Variants in SAMD9 observed in about 807,000 individuals in gnomAD.
The protein encoded by SAMD9 is sterile alpha motif domain-containing protein 9.
In SAMD9, 3 loss-of-function variants were observed where a neutral mutation model predicts 1.5. That is an observed-to-expected ratio of 2.05 (90% CI 0.93 to 5.29). SAMD9 has a LOEUF of 5.29. Ranked by LOEUF, SAMD9 falls within the 30% of genes most tolerant of loss-of-function variation. SAMD9 has a pLI of 0.02. For synonymous variants in SAMD9, 635 were observed against 631.9 expected (o/e 1.00, Z -0.07); for missense variants, 1,597 against 1,820.8 (o/e 0.88, Z 2.24).
intron 1 of SAMD9, among the ~76,000 whole-genome samples, chr7:93,116,686 T>C (rs1791837595): frequency 6.6e-6 from 1 of 152,158 alleles, no homozygotes; most frequent in Non-Finnish European, 1.5e-5. Flanking sequence ...ATCACACATA[T>C]ATTAAAACCC....
rs769556020 is a variant in SAMD9 at position 93,103,752 on chromosome 7, G to C, written c.2346C>G (p.Thr782=). ...EIGEQVTSLI[T]YGAMNRQEYV... ...ATTCCTGACGGTTCATTGCCCCATA[G>C]GTGATTAAACTGGTTACCTGTTCTC... is the stretch of plus-strand genomic sequence containing the variant. Residue 782 remains threonine (T), a synonymous_variant, in exon 3 of 3, where the codon ACC becomes ACG. Coordinates refer to ENST00000379958, the MANE Select transcript of SAMD9 (RefSeq NM_017654.4). 6.2e-7 allele frequency: 1 copy of C among 1,613,938 alleles called. No individual in the cohort carries two copies. The highest frequency in any genetic ancestry group is 8.5e-7 in the Non-Finnish European group (1 of 1,179,866).
chr7:93,113,219 G>A (rs1163530101), intron 2 of SAMD9, among the ~76,000 whole-genome samples: 3 of 152,208 alleles, frequency 2.0e-5, no homozygotes, highest in Admixed American at 6.5e-5. Flanking sequence ...TTCCCTATTT[G>A]ATAAATGGTG....
Position 93,111,220 on chromosome 7 carries a change from G to A in SAMD9, c.-9+3575C>T, listed in dbSNP as rs1253514499. 7.2e-5 allele frequency among the ~76,000 whole-genome samples: 11 copies of A among 152,096 alleles called. No homozygotes were observed. The South Asian group carries it at 8.3e-4, about 11-fold the overall frequency. The stretch of plus-strand genomic sequence containing the variant: ...CCTGAATGACTACTGGGTACATAAC[G>A]AAATGAAGGCAGAAATAAAGATGTT... On this transcript the variant is annotated intron_variant, in intron 2 of 2. Transcript: ENST00000379958.
intron 2 of SAMD9, among the ~76,000 whole-genome samples, chr7:93,108,540 C>A (rs1415182640): frequency 1.3e-5 from 2 of 152,126 alleles, no homozygotes; most frequent in Non-Finnish European, 2.9e-5. Context: ...TCGGAGAATT[C>A]CCTTTCCTAG....
chr7:93,114,644 A>C (rs541245917), intron 2 of SAMD9, among the ~76,000 whole-genome samples, 151 bp downstream of exon 2: 1 of 152,310 alleles, frequency 6.6e-6, no homozygotes, highest in South Asian at 2.1e-4. Context: ...AAAGTAATAA[A>C]ATTGACACAT....
At chr7:93,106,601 G>A (rs1432461293) in intron 2 of SAMD9, among the ~76,000 whole-genome samples, 5 of 152,200 alleles carry the variant, frequency 3.3e-5, no homozygotes, top group Non-Finnish European at 5.9e-5. Flanking sequence ...TAGTTAGAAA[G>A]GGATATAAGA....
rs767093575 is a variant in SAMD9 at position 93,101,684 on chromosome 7, G to A, written c.4414C>T (p.His1472Tyr). The A allele has an allele frequency of 1.2e-6, 2 of 1,613,330 alleles. No individual in the cohort carries two copies. The highest frequency in any genetic ancestry group is 1.7e-5 in the Admixed American group (1 of 59,972). Residue 1472 changes from histidine to tyrosine, a missense_variant, in exon 3 of 3, where the codon CAT (histidine) becomes TAT (tyrosine). Around this residue, in one of 6 missense-constraint regions of SAMD9, gnomAD observed 682 missense variants for 810.0 expected, o/e 0.84. Transcript: ENST00000379958. ...NSFKGQYKHM[H>Y]RTKQPIAYFF... ...TATGCAATTGGTTGCTTTGTACGAT[G>A]CATATGTTTATATTGCCCCTTGAAA...
Position 93,104,079 on chromosome 7 carries a change from A to G in SAMD9, c.2019T>C (p.Leu673=), listed in dbSNP as rs1584253595. 3.1e-6 allele frequency: 5 copies of G among 1,613,846 alleles called. No individual in the cohort carries two copies. In the Admixed American group the frequency reaches 6.7e-5, roughly 22 times the overall value. ...CTTCCTCTTTTGATGCCTTGAATTC[A>G]AGGAATTTATTTTTGTCCTTCTCTA... is the stretch of plus-strand genomic sequence containing the variant. ...TLLEKDKNKF[L]EFKASKEEDF... Residue 673 remains leucine, a synonymous_variant, in exon 3 of 3, where the codon CTT becomes CTC. Transcript: ENST00000379958.
rs771506632 is a variant in SAMD9, at chr7:93,103,388, T to C, written c.2710A>G (p.Ile904Val). Residue 904 changes from isoleucine (I) to valine (V), a missense_variant, in exon 3 of 3, where the codon ATC (isoleucine) becomes GTC (valine). Ile to Val is a conservative substitution (Grantham distance 29). This residue lies in a region of SAMD9 where 682 missense variants were observed against 810.0 expected (regional missense o/e 0.84). Transcript: ENST00000379958. ...GTGAAAATATTCTGCCCTTTCAGGATATTCCGGACCACATTTTCTATGTAT... is the reference window on the plus strand; with the variant it reads ...GTGAAAATATTCTGCCCTTTCAGGACATTCCGGACCACATTTTCTATGTAT... ...KEYIENVVRNILKGQNIFTKE... is the reference protein window; with the variant it reads ...KEYIENVVRNVLKGQNIFTKE... 1 of 1,613,560 alleles carries C rather than the reference T, an allele frequency of 6.2e-7. No individual in the cohort carries two copies. Among genetic ancestry groups the C allele is most frequent in the East Asian group, 2.2e-5 (1 of 44,870 alleles).
intron 2 of SAMD9, among the ~76,000 whole-genome samples, chr7:93,112,428 T>A (rs1030093547): frequency 1.3e-5 from 2 of 152,204 alleles, no homozygotes; most frequent in African/African-American, 4.8e-5. Context: ...CCACTCCTAT[T>A]CAACATAGTG....
At chr7:93,106,711 G>A (rs1048912418) in intron 2 of SAMD9, among the ~76,000 whole-genome samples, 1 of 152,158 alleles carries the variant, frequency 6.6e-6, no homozygotes, top group African/African-American at 2.4e-5. Context: ...AATCATTTGT[G>A]TTCTCCATTG....
Position 93,107,500 on chromosome 7 carries a change from TAGTC to T in SAMD9, c.-8-1399_-8-1396del, listed in dbSNP as rs201813631. Among the ~76,000 whole-genome samples, 932 of 152,310 alleles carry T rather than the reference TAGTC, an allele frequency of 6.1e-3. 12 individuals are homozygous for T. The highest frequency in any genetic ancestry group is 0.021 in the African/African-American group (882 of 41,562). On this transcript the variant is annotated intron_variant, in intron 2 of 2. Coordinates refer to ENST00000379958, the MANE Select transcript of SAMD9 (RefSeq NM_017654.4). ...AGAAAAAATGAAATTCAAATAATAA[TAGTC>T]AGCTTTAAGTATGATCCAAAATTGT...
In SAMD9 at chr7:93,101,321, C is replaced by G; in HGVS notation, c.*7G>C. 1 of 1,607,018 alleles carries G rather than the reference C, an allele frequency of 6.2e-7. No individual in the cohort carries two copies. The highest frequency in any genetic ancestry group is 1.1e-5 in the South Asian group (1 of 91,016). On this transcript the variant is annotated 3_prime_UTR_variant, in exon 3 of 3. Transcript: ENST00000379958. Reference sequence around the variant, plus strand: ...GATCAAATTCTTGGAGGAAGAATATCAGGCTCTTAAACAATTTCAATGTCA... The same window carrying G: ...GATCAAATTCTTGGAGGAAGAATATGAGGCTCTTAAACAATTTCAATGTCA...
Position 93,105,096 on chromosome 7 carries a change from T to A in SAMD9, c.1002A>T (p.Glu334Asp). 2 of 1,613,946 alleles carry A rather than the reference T, an allele frequency of 1.2e-6. No homozygotes were observed. Among genetic ancestry groups the A allele is most frequent in the South Asian group, 2.2e-5 (2 of 91,056 alleles). ...CAAATAGTGAGAATTTTTTACTTTG[T>A]TCCCATATTTTGTTGTTGTAATTTT... The part of the protein sequence containing the change: ...KMQNYNNKIW[E>D]QSKKFSLFVR... The change falls in exon 3 of 3, where the codon GAA becomes GAT. Residue 334 changes from glutamate to aspartate, a missense_variant. Coordinates refer to ENST00000379958, the MANE Select transcript of SAMD9 (RefSeq NM_017654.4).
chr7:93,101,820 A>G lies in SAMD9; in HGVS notation c.4278T>C (p.Tyr1426=), dbSNP rs1044218923. Residue 1426 remains tyrosine (Y), a synonymous_variant, in exon 3 of 3, where the codon TAT becomes TAC. Transcript: ENST00000379958. ...CTAGAAAATACGGTTCTGAAAACTG[A>G]TAAGTCAGTCCTATTGGTTGCAAGA... ...REVLQPIGLT[Y]QFSEPYFLAS... is the part of the protein sequence containing the mutation. 9.3e-6 allele frequency: 15 copies of G among 1,613,888 alleles called. No homozygotes were observed. In the East Asian group the frequency reaches 1.3e-4, roughly 14 times the overall value.
chr7:93,107,291 T>TG (rs1438426312), intron 2 of SAMD9, among the ~76,000 whole-genome samples: 2 of 152,216 alleles, frequency 1.3e-5, no homozygotes, highest in East Asian at 3.8e-4. Context: ...CCATGTCATC[T>TG]GGAATAGCTT....
chr7:93,101,396 C>T lies in SAMD9; in HGVS notation c.4702G>A (p.Glu1568Lys). Residue 1568 changes from glutamate (E) to lysine (K), a missense_variant, in exon 3 of 3, where the codon GAG (glutamate) becomes AAG (lysine). By Grantham distance (56) the Glu-to-Lys change is moderately conservative. Around this residue, in one of 6 missense-constraint regions of SAMD9, gnomAD observed 682 missense variants for 810.0 expected, o/e 0.84. Coordinates refer to ENST00000379958, the MANE Select transcript of SAMD9 (RefSeq NM_017654.4). ...AATCCCAGGTAAAAAGACACCTTCT[C>T]TATGCTTCTGCCACTTCTAAGTTGA... ...LGQLRSGRSI[E>K]KVSFYLGFSI... The T allele has an allele frequency of 1.2e-6, 2 of 1,613,756 alleles. No individual in the cohort carries two copies. The highest frequency in any genetic ancestry group is 8.5e-7 in the Non-Finnish European group (1 of 1,179,750).
chr7:93,110,351 A>T (rs1021906640), intron 2 of SAMD9, among the ~76,000 whole-genome samples: 1 of 152,234 alleles, frequency 6.6e-6, no homozygotes, highest in Non-Finnish European at 1.5e-5. Flanking sequence ...CACTGCAAAA[A>T]CATGCCAAAT....
Position 93,105,561 on chromosome 7 carries a change from A to G in SAMD9, c.537T>C (p.Phe179=). ...CTGGTCCTGTTTCAGGCTGTAGACTAAAATCCAACTTGTAACGATATGGAT... is the reference window on the plus strand; with the variant it reads ...CTGGTCCTGTTTCAGGCTGTAGACTGAAATCCAACTTGTAACGATATGGAT... ...FSNPYRYKLD[F]SLQPETGPGN... The change falls in exon 3 of 3, where the codon TTT becomes TTC. Residue 179 remains phenylalanine, a synonymous_variant. Transcript: ENST00000379958. 1 of 1,614,140 alleles carries G rather than the reference A, an allele frequency of 6.2e-7. No homozygotes were observed. The highest frequency in any genetic ancestry group is 8.5e-7 in the Non-Finnish European group (1 of 1,180,012).
Sources: gnomAD v4.1 joint callset for allele counts (sites outside exome capture counted in the v4.1 genomes callset) on GRCh38, gnomAD v4.1.1 for gene constraint, gnomAD v4.1.1 regional missense constraint, MANE v1.5 for transcripts, NCBI Gene and HGNC (gene_info 2026-07-23, HGNC 2026-07-21) for gene names.